The following RARB variants were observed in gnomAD, a reference collection of about 807,000 sequenced individuals.
The protein encoded by RARB is HBV-activated protein.
A neutral mutation model predicts 51.9 loss-of-function variants in RARB; 17 were observed. That is an observed-to-expected ratio of 0.33 (90% CI 0.22 to 0.49). RARB has a LOEUF of 0.49. Ranked by LOEUF, RARB falls within the 20% of genes least tolerant of loss-of-function variation. The pLI, the probability that RARB is intolerant of heterozygous loss-of-function variation, is 0.99. For synonymous variants in RARB, 215 were observed against 195.4 expected (o/e 1.10, Z -0.84); for missense variants, 369 against 550.8 (o/e 0.67, Z 3.30).
intron 2 of RARB, among the ~76,000 whole-genome samples, chr3:24,989,116 G>C (rs557011302): frequency 1.3e-5 from 2 of 152,140 alleles, no homozygotes; most frequent in African/African-American, 4.8e-5. Flanking sequence ...GTGAGCCACC[G>C]CACCCGGCCC....
intron 2 of RARB, among the ~76,000 whole-genome samples, chr3:25,478,300 A>G (rs901476165): frequency 2.0e-5 from 3 of 152,194 alleles, no homozygotes; most frequent in African/African-American, 4.8e-5. Flanking sequence ...GGAAGGAGCT[A>G]TTATTGTGGC....
At position 25,141,237 on chromosome 3, in the gene RARB, T is replaced by C. The variant is rs182608852; in HGVS notation, c.-280+9029T>C. 5.9e-5 allele frequency among the ~76,000 whole-genome samples: 9 copies of C among 152,198 alleles called. No individual in the cohort carries two copies. The East Asian group carries it at 1.7e-3, about 29-fold the overall frequency. On this transcript the variant is annotated intron_variant, in intron 4 of 11. Transcript: ENST00000383772. ...AACTCATAAACGTTCTTAAAAGATA[T>C]TTGCCTGTCCTTGCATGACTTTTGA... is the stretch of plus-strand genomic sequence containing the variant.
intron 5 of RARB, among the ~76,000 whole-genome samples, chr3:25,372,144 A>T (rs1263149258): frequency 6.6e-6 from 1 of 152,218 alleles, no homozygotes; most frequent in Non-Finnish European, 1.5e-5. Context: ...GCAAACAGAA[A>T]CCACTGGAGG....
chr3:25,160,195 A>G (rs1700450885), intron 4 of RARB, among the ~76,000 whole-genome samples: 1 of 152,254 alleles, frequency 6.6e-6, no homozygotes, highest in South Asian at 2.1e-4. Context: ...GGTAATTTTC[A>G]GGACAGCTCT....
chr3:24,902,513 C>A (rs1341802642), intron 2 of RARB, among the ~76,000 whole-genome samples: 1 of 152,060 alleles, frequency 6.6e-6, no homozygotes, highest in Non-Finnish European at 1.5e-5. Context: ...CTGTTGGGGA[C>A]AACGTGAGGA....
chr3:24,951,137 T>C (rs1695882664), intron 2 of RARB, among the ~76,000 whole-genome samples: 1 of 152,128 alleles, frequency 6.6e-6, no homozygotes, highest in Non-Finnish European at 1.5e-5. Context: ...GAGAAGCTTA[T>C]CCTACAGAGG....
At chr3:25,467,783 C>T (rs1243421650) in intron 2 of RARB, among the ~76,000 whole-genome samples, 1 of 152,214 alleles carries the variant, frequency 6.6e-6, no homozygotes, top group Non-Finnish European at 1.5e-5. Context: ...ACCTTATTCA[C>T]CAATCATTCA....
chr3:25,163,251 C>A (rs1039460990), intron 4 of RARB, among the ~76,000 whole-genome samples: 1 of 152,132 alleles, frequency 6.6e-6, no homozygotes, highest in Admixed American at 6.5e-5. Flanking sequence ...CGCCTATGAT[C>A]CCGGCACTTC....
intron 3 of RARB, among the ~76,000 whole-genome samples, chr3:25,103,061 A>G (rs557720034): frequency 2.0e-5 from 3 of 152,320 alleles, no homozygotes; most frequent in Admixed American, 1.3e-4. Context: ...GGATTGGTAT[A>G]TAGTGCAGAG....
chr3:25,158,120 AT>A (rs1700409176), intron 4 of RARB, among the ~76,000 whole-genome samples: 3 of 152,204 alleles, frequency 2.0e-5, no homozygotes, highest in Admixed American at 2.0e-4. Flanking sequence ...GCAAAGAAAC[AT>A]TACTGCTCAC....
intron 3 of RARB, among the ~76,000 whole-genome samples, chr3:25,507,188 C>A (rs762766483): frequency 1.3e-5 from 2 of 152,220 alleles, no homozygotes; most frequent in African/African-American, 4.8e-5. Flanking sequence ...AAAAGGCATG[C>A]ATCATGTCTT....
chr3:24,876,884 A>C (rs1182486802), intron 2 of RARB, among the ~76,000 whole-genome samples: 1 of 152,208 alleles, frequency 6.6e-6, no homozygotes, highest in African/African-American at 2.4e-5. Context: ...CTTCCCAGGC[A>C]TAAACATACT....
chr3:24,936,164 G>A (rs1359837092), intron 2 of RARB, among the ~76,000 whole-genome samples: 4 of 152,124 alleles, frequency 2.6e-5, no homozygotes, highest in Admixed American at 2.6e-4. Flanking sequence ...CATGGTCCAT[G>A]TTTGTATAGA....
intron 3 of RARB, among the ~76,000 whole-genome samples, chr3:25,517,720 T>C (rs188825298): frequency 6.6e-6 from 1 of 152,192 alleles, no homozygotes; most frequent in African/African-American, 2.4e-5. Flanking sequence ...TTATTCATAA[T>C]AGCAAAAAGC....
intron 2 of RARB, among the ~76,000 whole-genome samples, chr3:24,955,954 T>C (rs1459786173): frequency 6.6e-6 from 1 of 152,156 alleles, no homozygotes; most frequent in East Asian, 1.9e-4. Context: ...TGACCTGGAA[T>C]CTTTCTTGGT....
chr3:25,541,732 G>GAA (rs1224085032), intron 3 of RARB, among the ~76,000 whole-genome samples: 1 of 152,134 alleles, frequency 6.6e-6, no homozygotes, highest in Non-Finnish European at 1.5e-5. Context: ...GACATACTGT[G>GAA]AATATGTGCA....
At chr3:25,487,055 C>G (rs575388335) in intron 2 of RARB, among the ~76,000 whole-genome samples, 3 of 152,136 alleles carry the variant, frequency 2.0e-5, no homozygotes, top group Non-Finnish European at 2.9e-5. Context: ...TTCCCCTGCT[C>G]AGTCACACAC....
At chr3:25,151,216 C>T (rs1015785015) in intron 4 of RARB, among the ~76,000 whole-genome samples, 24 of 152,220 alleles carry the variant, frequency 1.6e-4, no homozygotes, top group African/African-American at 5.8e-4. Flanking sequence ...AAAGATGGAG[C>T]CTCCTGGAAA....
intron 2 of RARB, among the ~76,000 whole-genome samples, chr3:25,495,763 G>A (rs903088698): frequency 3.3e-5 from 5 of 152,042 alleles, no homozygotes; most frequent in East Asian, 1.9e-4. Context: ...TTGTGTTACC[G>A]GCTTAACTAT....
Sources: gnomAD v4.1 joint callset for allele counts (sites outside exome capture counted in the v4.1 genomes callset) on GRCh38, gnomAD v4.1.1 for gene constraint, MANE v1.5 for transcripts, NCBI Gene and HGNC (gene_info 2026-07-23, HGNC 2026-07-21) for gene names.